OTULIN: variants seen among roughly 807,000 people sequenced by gnomAD.
The protein encoded by OTULIN is ubiquitin thioesterase otulin.
In OTULIN, 15 loss-of-function variants were observed where a neutral mutation model predicts 39.6. The observed-to-expected ratio is 0.38, with a 90% CI of 0.25 to 0.58. The LOEUF is 0.58. OTULIN is among the 20% of genes least tolerant of loss of function. The pLI is 0.66. For synonymous variants in OTULIN, 156 were observed against 170.3 expected (o/e 0.92, Z 0.65); for missense variants, 319 against 445.9 (o/e 0.72, Z 2.56).
At chr5:14,689,125 CA>C (rs1736458521) in intron 5 of OTULIN, among the ~76,000 whole-genome samples, 1 of 152,122 alleles carries the variant, frequency 6.6e-6, no homozygotes. Context: ...AAATGCCCTG[CA>C]AAAACCACCA....
intron 1 of OTULIN, among the ~76,000 whole-genome samples, chr5:14,666,638 G>A (rs541518841): frequency 7.2e-5 from 11 of 152,186 alleles, no homozygotes; most frequent in Non-Finnish European, 1.6e-4. Context: ...CGGTTTGTGT[G>A]TGTGGTTTTT....
chr5:14,686,251 ATTTAT>A (rs973041392), intron 4 of OTULIN, among the ~76,000 whole-genome samples: 13 of 151,972 alleles, frequency 8.6e-5, no homozygotes, highest in South Asian at 2.1e-4. Flanking sequence ...TTAAAACTGT[ATTTAT>A]TTTATTTTAT....
At position 14,664,817 on chromosome 5, in the gene OTULIN, A is replaced by T; in HGVS notation, c.-9A>T. The T allele has an allele frequency of 8.2e-7, 1 of 1,216,160 alleles. No homozygotes were observed. Among genetic ancestry groups the T allele is most frequent in the Non-Finnish European group, 1.0e-6 (1 of 976,020 alleles). The allele number at this position is 1,216,160 out of a possible 1,614,324, so 75.3% of individuals were successfully genotyped here. The stretch of plus-strand genomic sequence containing the variant: ...AGCCGGCTGAACCCCTTCGGCCGCG[A>T]GCGACCGCATGAGTCGGGGGACTAT... On this transcript the variant is annotated 5_prime_UTR_variant, in exon 1 of 7. Transcript: ENST00000284274.
chr5:14,700,592 T>G (rs1226384304), downstream of OTULIN, among the ~76,000 whole-genome samples: 1 of 127,246 alleles, frequency 7.9e-6, no homozygotes, highest in Non-Finnish European at 1.7e-5. Context: ...ATACCCTCTG[T>G]GCTCACCCTC....
At chr5:14,701,526 A>G (rs1321320265), downstream of OTULIN, among the ~76,000 whole-genome samples, 1 of 152,178 alleles carries the variant, frequency 6.6e-6, no homozygotes, top group South Asian at 2.1e-4. Flanking sequence ...CCCCATTTCA[A>G]GCTTTGAGTA....
chr5:14,693,082 C>A lies in OTULIN; in HGVS notation c.*34C>A. On this transcript the variant is annotated 3_prime_UTR_variant, in exon 7 of 7. Coordinates refer to ENST00000284274, the MANE Select transcript of OTULIN (RefSeq NM_138348.6). ...TGCTCCTGACAGCCTGGCGACGTGG[C>A]GAAGATGCACAGGTGGCTCCTGGGC... 6.4e-7 allele frequency: 1 copy of A among 1,552,216 alleles called. No homozygotes were observed. Among genetic ancestry groups the A allele is most frequent in the Non-Finnish European group, 8.8e-7 (1 of 1,142,834 alleles).
chr5:14,688,014 C>CATATTTTTTTAAGATGCCCAT (rs1736428799), intron 5 of OTULIN: 1 of 154,894 alleles, frequency 6.5e-6, no homozygotes, highest in Non-Finnish European at 1.4e-5. Flanking sequence ...CAATTATGCT[C>CATATTTTTTTAAGATGCCCAT]ATGTTTTAAG....
chr5:14,684,075 C>T (rs546102194), intron 4 of OTULIN, among the ~76,000 whole-genome samples: 1 of 152,144 alleles, frequency 6.6e-6, no homozygotes, highest in South Asian at 2.1e-4. Flanking sequence ...CAGTTTCTTT[C>T]CTTTTCTATG....
Position 14,673,679 on chromosome 5 carries a change from A to G in OTULIN, c.190A>G (p.Lys64Glu). 1.9e-6 allele frequency: 3 copies of G among 1,613,824 alleles called. No individual in the cohort carries two copies. Among genetic ancestry groups the G allele is most frequent in the East Asian group, 2.2e-5 (1 of 44,806 alleles). ...GTACCGTGCTGCAGATGAAATAGAA[A>G]AGGAGAAAGAATTGCTTATACATGA... Reference protein sequence around the residue: ...DMYRAADEIEKEKELLIHERG... With the variant: ...DMYRAADEIEEEKELLIHERG... Residue 64 changes from lysine to glutamate, a missense_variant, in exon 2 of 7, where the codon AAG (lysine) becomes GAG (glutamate). By Grantham distance (56) the Lys-to-Glu change is moderately conservative. Around this residue, in one of 4 missense-constraint regions of OTULIN, gnomAD observed 132 missense variants for 143.7 expected, o/e 0.92. Transcript: ENST00000284274.
At chr5:14,707,638 C>G in the OTULIN span, 2 of 152,160 alleles carry the variant, frequency 1.3e-5, no homozygotes, top group East Asian at 1.9e-4. Flanking sequence ...GCCTCCCCAT[C>G]CTGGGCCCCC....
the OTULIN span, chr5:14,711,234 A>G: frequency 6.2e-7 from 1 of 1,613,840 alleles, no homozygotes; most frequent in Non-Finnish European, 8.5e-7. Context: ...GATGTCTGTC[A>G]CCTCCTCTGT....
chr5:14,712,195 C>G, the OTULIN span, among the ~76,000 whole-genome samples: 1 of 152,238 alleles, frequency 6.6e-6, no homozygotes, highest in Admixed American at 6.5e-5. Context: ...AGGGGACAGC[C>G]AGTGTCCTGA....
In OTULIN at chr5:14,694,246, G is replaced by T. The variant is rs1184691910; in HGVS notation, c.*1198G>T. ...GATTGGTTTTGGGAAGCCTGAGGGA[G>T]GCAGCCTTCCTGGCTATGAGCCATC... On this transcript the variant is annotated 3_prime_UTR_variant, in exon 7 of 7. Transcript: ENST00000284274. The T allele has an allele frequency of 6.6e-6, 1 of 152,304 alleles. No individual in the cohort carries two copies. Among genetic ancestry groups the T allele is most frequent in the African/African-American group, 2.4e-5 (1 of 41,474 alleles). The allele number at this position is 152,304 out of a possible 1,614,324, so 9.4% of individuals were successfully genotyped here.
intron 6 of OTULIN, among the ~76,000 whole-genome samples, chr5:14,692,618 A>G (rs1248656515): frequency 6.7e-6 from 1 of 150,300 alleles, no homozygotes; most frequent in Non-Finnish European, 1.5e-5. Context: ...AATTGTTGTA[A>G]AAGTTCTTTA....
chr5:14,713,455 ATT>A, the OTULIN span: 4 of 1,548,490 alleles, frequency 2.6e-6, no homozygotes, highest in Admixed American at 7.3e-5. The surrounding 1 kb of genome is among the most constrained non-coding windows in gnomAD (Gnocchi z 4.4). Context: ...GTGCCTGGGG[ATT>A]TCCCCTGAAA....
At chr5:14,688,145 C>T (rs1298318537) in intron 5 of OTULIN, among the ~76,000 whole-genome samples, 1 of 152,132 alleles carries the variant, frequency 6.6e-6, no homozygotes, top group Non-Finnish European at 1.5e-5. Flanking sequence ...GTAGGGAGAA[C>T]TTGGTCTTCT....
chr5:14,711,244 T>G, the OTULIN span: 1 of 1,614,132 alleles, frequency 6.2e-7, no homozygotes, highest in Admixed American at 1.7e-5. Flanking sequence ...ACCTCCTCTG[T>G]CGGAGGCATG....
the OTULIN span, chr5:14,712,985 A>T: frequency 1.9e-6 from 3 of 1,609,650 alleles, no homozygotes; most frequent in East Asian, 6.7e-5. Context: ...TGCAGATGAG[A>T]ACACAAAGGC....
chr5:14,668,579 CTTAGTGTTGACA>C (rs953603651), intron 1 of OTULIN, among the ~76,000 whole-genome samples: 27 of 152,064 alleles, frequency 1.8e-4, no homozygotes, highest in African/African-American at 6.5e-4. Flanking sequence ...CCAACATTGC[CTTAGTGTTGACA>C]TTAGTCTCAT....
Sources: gnomAD v4.1 joint callset for allele counts (sites outside exome capture counted in the v4.1 genomes callset) on GRCh38, gnomAD v4.1.1 for gene constraint, gnomAD v4.1.1 regional missense constraint, Gnocchi (gnomAD v3.1) non-coding constraint, MANE v1.5 for transcripts, NCBI Gene and HGNC (gene_info 2026-07-23, HGNC 2026-07-21) for gene names.